NCOR2: variants seen among roughly 807,000 people sequenced by gnomAD.
NCOR2 encodes CTG repeat protein 26.
A neutral mutation model predicts 262.9 loss-of-function variants in NCOR2; 81 were observed. The ratio of observed to expected loss-of-function variants is 0.31; its 90% CI spans 0.26 to 0.37. The LOEUF is 0.37. NCOR2 is among the 10% of genes least tolerant of loss of function. The pLI is 1.00. For synonymous variants in NCOR2, 1,659 were observed against 1,559.3 expected, an observed-to-expected ratio of 1.06 and a Z score of -1.51; for missense variants, 3,385 against 3,621.4, an observed-to-expected ratio of 0.93 and a Z score of 1.68.
At chr12:124,327,728 AAGGAGGAGG>A (rs150410001) in intron 44 of NCOR2, 95 bp from the exon 47 acceptor site, 17 of 820,068 alleles carry the variant, frequency 2.1e-5, no homozygotes, top group African/African-American at 6.8e-5. Flanking sequence ...AGAGAGAGGG[AAGGAGGAGG>A]AGGAGGAGGA....
At chr12:124,355,559 G>A (rs1204876008) in exon 24 of NCOR2, 1 of 1,576,184 alleles carries the variant, frequency 6.3e-7, no homozygotes, top group Non-Finnish European at 8.6e-7. Flanking sequence ...GAGGCCCAGG[G>A]GCAGTGGGTG....
intron 16 of NCOR2, 134 bp from the exon 19 acceptor site, chr12:124,386,021 C>T (rs1181271855): frequency 8.7e-7 from 1 of 1,151,650 alleles, no homozygotes; most frequent in East Asian, 2.6e-5. Flanking sequence ...CCCAGGACCT[C>T]TGGAAGAAGA....
In NCOR2 at chr12:124,566,255, AGAACAGATCCGCCCCC is replaced by A. The variant is rs1420027290; in HGVS notation, c.-165+1037_-165+1052del. On this transcript the variant is annotated intron_variant, in intron 1 of 32. Transcript: ENST00000458234. This position sits in a 1 kb window ranked among gnomAD's most constrained non-coding sequence, Gnocchi z 4.3. Reference sequence around the variant, plus strand: ...GAGGAAGGGAGGAGGCTGAGCCGACAGAACAGATCCGCCCCCGCTGCCTGCACCAGACCCTCGGAGA... The same window carrying A: ...GAGGAAGGGAGGAGGCTGAGCCGACAGCTGCCTGCACCAGACCCTCGGAGA... Among the ~76,000 whole-genome samples the A allele has an allele frequency of 1.3e-5, 2 of 152,216 alleles. No individual in the cohort carries two copies. The highest frequency in any genetic ancestry group is 3.9e-4 in the East Asian group (2 of 5,186).
intron 18 of NCOR2, among the ~76,000 whole-genome samples, chr12:124,375,663 G>A (rs978952744): frequency 1.3e-5 from 2 of 152,128 alleles, no homozygotes; most frequent in Non-Finnish European, 2.9e-5. Flanking sequence ...CCCCAGTACC[G>A]GGCTGCCTGG....
At chr12:124,359,013 CTGCTA>C (rs945553156) in intron 22 of NCOR2, among the ~76,000 whole-genome samples, 2 of 152,276 alleles carry the variant, frequency 1.3e-5, no homozygotes, top group Admixed American at 6.5e-5. Context: ...TTAATCCAGA[CTGCTA>C]TGCCACATGG....
chr12:124,553,667 C>T (rs573011004), intron 1 of NCOR2, among the ~76,000 whole-genome samples: 5 of 152,362 alleles, frequency 3.3e-5, no homozygotes, highest in African/African-American at 1.2e-4. Flanking sequence ...TCTAGATTAA[C>T]AACAAAGAAC....
intron 43 of NCOR2, 194 bp downstream of exon 45, chr12:124,332,125 G>C: frequency 2.5e-5 from 16 of 635,336 alleles, no homozygotes; most frequent in Non-Finnish European, 3.8e-5. Flanking sequence ...CCTATGGAAA[G>C]CCCAGCAAAT....
At chr12:124,397,472 A>G in intron 16 of NCOR2, among the ~76,000 whole-genome samples, 1 of 152,126 alleles carries the variant, frequency 6.6e-6, no homozygotes, top group Non-Finnish European at 1.5e-5. Context: ...GGTGCTGCAC[A>G]TCACAAGGCC....
chr12:124,341,689 C>T, intron 34 of NCOR2, 134 bp downstream of exon 36: 1 of 1,357,804 alleles, frequency 7.4e-7, no homozygotes, highest in Non-Finnish European at 1.0e-6. Context: ...CCCAGGCCAC[C>T]CACTCAGGTC....
At chr12:124,340,713 G>A in exon 35 of NCOR2, 1 of 1,543,776 alleles carries the variant, frequency 6.5e-7, no homozygotes, top group South Asian at 1.2e-5. Flanking sequence ...GGGGGCACGA[G>A]CACAGGCAGG....
intron 6 of NCOR2, among the ~76,000 whole-genome samples, chr12:124,456,641 G>T (rs2045875517): frequency 6.6e-6 from 1 of 152,194 alleles, no homozygotes; most frequent in Non-Finnish European, 1.5e-5. Context: ...GGTGCTGTTA[G>T]GATTCCCATT....
At chr12:124,381,314 T>C (rs2040393313) in intron 17 of NCOR2, among the ~76,000 whole-genome samples, 2 of 152,190 alleles carry the variant, frequency 1.3e-5, no homozygotes, top group African/African-American at 4.8e-5. Context: ...CCTCACCTCC[T>C]TCGGGCCTTA....
intron 5 of NCOR2, among the ~76,000 whole-genome samples, chr12:124,465,201 G>T (rs1270246332): frequency 6.6e-6 from 1 of 152,134 alleles, no homozygotes; most frequent in Non-Finnish European, 1.5e-5. Context: ...AGAAGCCAAG[G>T]CAGGGAGAGG....
At chr12:124,498,889 G>C (rs1033030448), upstream of NCOR2, among the ~76,000 whole-genome samples, 3 of 152,136 alleles carry the variant, frequency 2.0e-5, no homozygotes, top group Non-Finnish European at 4.4e-5. Context: ...AGACACAAAA[G>C]GCCACGAACT....
rs2036004982 is a variant in NCOR2 at position 124,337,657 on chromosome 12, G to A, written c.5688-477C>T. 3.3e-5 allele frequency among the ~76,000 whole-genome samples: 5 copies of A among 152,218 alleles called. No individual in the cohort carries two copies. In the South Asian group the frequency reaches 1.0e-3, roughly 31 times the overall value. ...GGAGCTGGGCCTGCTCAGGATACCC[G>A]AAGAGCTAAAAAAGCCACGTGAGGA... On this transcript the variant is annotated intron_variant, in intron 37 of 46. Transcript: ENST00000405201.
chr12:124,473,111 C>T (rs774356526), exon 4 of NCOR2: 1 of 1,614,000 alleles, frequency 6.2e-7, no homozygotes, highest in Non-Finnish European at 8.5e-7. Flanking sequence ...CCGGTTCCAG[C>T]TTGCCCGTCA....
chr12:124,340,396 G>A (rs768362888), exon 36 of NCOR2: 41 of 1,612,938 alleles, frequency 2.5e-5, no homozygotes, highest in East Asian at 8.9e-5. Flanking sequence ...TCTCGCTCCC[G>A]CTCGGACGAG....
At chr12:124,339,893 G>GGGC in intron 37 of NCOR2, 113 bp downstream of exon 39, 1 of 566,002 alleles carries the variant, frequency 1.8e-6, no homozygotes, top group Non-Finnish European at 3.0e-6. Context: ...CCACACATCT[G>GGGC]CCCACCCACC....
rs1284515729 is a variant in NCOR2, at chr12:124,345,092, G to A, written c.4360-141C>T. On this transcript the variant is annotated intron_variant, in intron 31 of 46. Coordinates refer to ENST00000405201, the Ensembl canonical transcript of NCOR2. ...TGCCTCCAGAGGCAGGGAGACAGAG[G>A]GCTTTGCTAACCCTGAGATGGCACA... The A allele has an allele frequency of 7.6e-6, 6 of 789,766 alleles. No homozygotes were observed. In the South Asian group the frequency reaches 9.7e-5, roughly 13 times the overall value. The allele number at this position is 789,766 out of a possible 1,614,324, so 48.9% of individuals were successfully genotyped here.
Sources: allele counts gnomAD v4.1 joint callset (sites outside exome capture counted in the v4.1 genomes callset), GRCh38; gene constraint gnomAD v4.1.1; non-coding constraint Gnocchi (gnomAD v3.1); transcripts MANE v1.5; gene names NCBI Gene and HGNC (gene_info 2026-07-23, HGNC 2026-07-21).